Variants in BANK1 observed in about 807,000 individuals in gnomAD.
BANK1 encodes B-cell scaffold protein with ankyrin repeats.
A neutral mutation model predicts 94.5 loss-of-function variants in BANK1; 95 were observed. The ratio of observed to expected loss-of-function variants is 1.00; its 90% CI spans 0.85 to 1.19. BANK1 has a LOEUF of 1.19. BANK1 is among the 50% of genes most tolerant of loss of function. The pLI is 0.00. For missense variants in BANK1, 987 were observed against 932.2 expected, an observed-to-expected ratio of 1.06 and a Z score of -0.77; for synonymous variants, 334 against 308.4, an observed-to-expected ratio of 1.08 and a Z score of -0.87.
chr4:101,813,457 A>G lies in BANK1; in HGVS notation c.71-16351A>G, dbSNP rs75972006. ...TACTGGAAATACTGTCAGTATAAAA[A>G]AGCCACTATGGTGATTCTCAAACTT... On this transcript the variant is annotated intron_variant, in intron 1 of 16. Transcript: ENST00000322953. 5.3e-3 allele frequency among the ~76,000 whole-genome samples: 807 copies of G among 152,348 alleles called. 13 individuals carry two copies. The East Asian group carries it at 0.062, about 12-fold the overall frequency.
chr4:101,925,688 GC>G (rs1188412344), intron 7 of BANK1, among the ~76,000 whole-genome samples: 1 of 151,654 alleles, frequency 6.6e-6, no homozygotes, highest in Admixed American at 6.6e-5. Context: ...GCCTATGGGG[GC>G]TAAATCGTCT....
At chr4:102,013,665 A>T (rs908080701) in intron 7 of BANK1, among the ~76,000 whole-genome samples, 2 of 151,950 alleles carry the variant, frequency 1.3e-5, no homozygotes, top group South Asian at 2.1e-4. Flanking sequence ...GATTTTTTTT[A>T]AATCATAGTA....
chr4:101,918,757 T>C (rs1010129423), intron 7 of BANK1, among the ~76,000 whole-genome samples: 1 of 151,912 alleles, frequency 6.6e-6, no homozygotes, highest in African/African-American at 2.4e-5. Flanking sequence ...TTAAAACAAA[T>C]AATTTTGTTG....
intron 1 of BANK1, among the ~76,000 whole-genome samples, chr4:101,805,178 G>T (rs950953915): frequency 3.9e-5 from 6 of 152,060 alleles, no homozygotes; most frequent in African/African-American, 1.4e-4. Context: ...GTTTGTCAAT[G>T]AAACATATTT....
At chr4:101,939,062 T>C (rs1231075022) in intron 7 of BANK1, among the ~76,000 whole-genome samples, 2 of 151,712 alleles carry the variant, frequency 1.3e-5, no homozygotes, top group African/African-American at 4.8e-5. Context: ...AAAATCCCCA[T>C]TCTTCCAATA....
At chr4:102,063,960 GAGGTT>G in intron 13 of BANK1, among the ~76,000 whole-genome samples, 1 of 152,126 alleles carries the variant, frequency 6.6e-6, no homozygotes, top group East Asian at 1.9e-4. Context: ...TTTGGCAGTG[GAGGTT>G]AGGGGAGGGG....
At chr4:102,067,704 C>A (rs781423347) in intron 13 of BANK1, among the ~76,000 whole-genome samples, 5 of 151,838 alleles carry the variant, frequency 3.3e-5, no homozygotes, top group Non-Finnish European at 5.9e-5. Flanking sequence ...TGACAGCACT[C>A]AGAGATGTTT....
intron 13 of BANK1, among the ~76,000 whole-genome samples, chr4:102,066,865 CTT>C (rs1330543083): frequency 1.8e-4 from 27 of 151,890 alleles, no homozygotes; most frequent in African/African-American, 5.1e-4. Context: ...AATAATGAAA[CTT>C]AAGTTAGAAG....
chr4:101,792,465 GTGTGTT>G (rs1482077159), intron 1 of BANK1, among the ~76,000 whole-genome samples: 9 of 48,050 alleles, frequency 1.9e-4, no homozygotes, highest in Admixed American at 5.7e-4. Context: ...GTGTGTGTGT[GTGTGTT>G]TTTTTTTTTT....
chr4:102,024,097 A>C lies in BANK1; in HGVS notation c.1286-1104A>C, dbSNP rs181078282. 3.4e-4 allele frequency among the ~76,000 whole-genome samples: 52 copies of C among 152,304 alleles called. 2 individuals carry two copies. The highest frequency in any genetic ancestry group is 3.1e-3 in the Admixed American group (48 of 15,292). On this transcript the variant is annotated intron_variant, in intron 8 of 16. Transcript: ENST00000322953. ...TTCTCACATGAAAGAATAGAAAAAC[A>C]AAAAAAGAAAATTCCATATAATAAT... is the stretch of plus-strand genomic sequence containing the variant.
chr4:101,923,804 C>CT (rs1193179152), intron 7 of BANK1, among the ~76,000 whole-genome samples: 1 of 151,682 alleles, frequency 6.6e-6, no homozygotes, highest in African/African-American at 2.4e-5. Flanking sequence ...TTGTTATTGA[C>CT]TTTTTTTCAT....
chr4:102,001,893 G>A (rs1455021354), intron 7 of BANK1, among the ~76,000 whole-genome samples: 1 of 152,118 alleles, frequency 6.6e-6, no homozygotes, highest in East Asian at 1.9e-4. Flanking sequence ...AACAGAATTT[G>A]GAAGCTTAAC....
Position 101,790,934 on chromosome 4 carries a change from C to A in BANK1, c.54C>A (p.Cys18Ter). 1 of 1,525,892 alleles carries A rather than the reference C, an allele frequency of 6.6e-7. No individual in the cohort carries two copies. The highest frequency in any genetic ancestry group is 8.8e-7 in the Non-Finnish European group (1 of 1,142,104). The allele number at this position is 1,525,892 out of a possible 1,614,324, so 94.5% of individuals were successfully genotyped here. A position where few individuals can be genotyped will look rare whatever the true frequency, so the allele number is the denominator to read the frequency against. The stretch of plus-strand genomic sequence containing the variant: ...TTGGGAGCCCGGACCCCGCCCCCTG[C>A]GGCCCAGCGCCCCCAGGTGGGTAGT... ...KGLGSPDPAPCGPAPPGNTKD... is the reference protein window; with the variant it reads ...KGLGSPDPAP Residue 18 changes from cysteine (C) to a stop codon, truncating the protein, a stop_gained, in exon 1 of 17, where the codon TGC (cysteine) becomes TGA (stop). Coordinates refer to ENST00000322953, the MANE Select transcript of BANK1 (RefSeq NM_017935.5). LOFTEE classifies it high-confidence loss of function.
intron 5 of BANK1, among the ~76,000 whole-genome samples, chr4:101,887,326 AT>A (rs1728894121): frequency 6.6e-6 from 1 of 152,228 alleles, no homozygotes; most frequent in South Asian, 2.1e-4. Flanking sequence ...GCGTTATTTA[AT>A]TTAAGAATTT....
intron 5 of BANK1, among the ~76,000 whole-genome samples, chr4:101,880,235 G>A (rs1728629235): frequency 6.6e-6 from 1 of 152,000 alleles, no homozygotes; most frequent in Non-Finnish European, 1.5e-5. Flanking sequence ...AACAAATTCA[G>A]TAAAGTTGCA....
chr4:102,061,304 A>C (rs185483406), intron 12 of BANK1: 43 of 152,350 alleles, frequency 2.8e-4, no homozygotes, highest in African/African-American at 9.9e-4. Context: ...GGACTTTCCC[A>C]GTACATCTGA....
At chr4:101,968,453 T>C (rs1724837019) in intron 7 of BANK1, among the ~76,000 whole-genome samples, 1 of 152,096 alleles carries the variant, frequency 6.6e-6, no homozygotes, top group Non-Finnish European at 1.5e-5. Flanking sequence ...GATTTGGGTC[T>C]ACATAGAAAA....
intron 1 of BANK1, among the ~76,000 whole-genome samples, chr4:101,804,119 CA>C (rs1725466434): frequency 6.8e-6 from 1 of 147,430 alleles, no homozygotes; most frequent in East Asian, 2.0e-4. Context: ...CCTTAAAATA[CA>C]TACAAATCTG....
chr4:101,902,757 C>T (rs1257123423), intron 6 of BANK1, among the ~76,000 whole-genome samples: 1 of 152,180 alleles, frequency 6.6e-6, no homozygotes, highest in Non-Finnish European at 1.5e-5. Context: ...GAGGCATTAA[C>T]ATGGGTTAAA....
Sources: allele counts gnomAD v4.1 joint callset (sites outside exome capture counted in the v4.1 genomes callset), GRCh38; gene constraint gnomAD v4.1.1; transcripts MANE v1.5; gene names NCBI Gene and HGNC (gene_info 2026-07-23, HGNC 2026-07-21).